Variants in CHRM3 observed in about 807,000 individuals in gnomAD.
CHRM3 encodes muscarinic acetylcholine receptor M3.
A neutral mutation model predicts 41.8 loss-of-function variants in CHRM3; 11 were observed. The observed-to-expected ratio is 0.26, with a 90% CI of 0.17 to 0.44. The LOEUF (loss-of-function observed/expected upper bound fraction) is 0.44, where lower values mean the gene tolerates loss of function less well. CHRM3 is among the 20% of genes least tolerant of loss of function. The probability of loss-of-function intolerance (pLI) is 1.00; values close to 1 mark genes in which losing one functional copy is unlikely to be tolerated. For missense variants in CHRM3, 571 were observed against 745.4 expected, an observed-to-expected ratio of 0.77 and a Z score of 2.72; for synonymous variants, 297 against 301.4, an observed-to-expected ratio of 0.99 and a Z score of 0.15.
intron 3 of CHRM3, among the ~76,000 whole-genome samples, chr1:239,610,794 C>T (rs973366917): frequency 3.9e-5 from 6 of 152,194 alleles, no homozygotes; most frequent in Non-Finnish European, 2.9e-5. Flanking sequence ...TGGCTCATGC[C>T]TGTAATCCCA....
intron 5 of CHRM3, among the ~76,000 whole-genome samples, chr1:239,731,226 G>A (rs753662652): frequency 6.6e-5 from 10 of 151,816 alleles, no homozygotes; most frequent in South Asian, 2.1e-4. Flanking sequence ...TAAGAAAAAC[G>A]CAGAGGCTAA....
chr1:239,595,282 C>A (rs1217390342), intron 3 of CHRM3, among the ~76,000 whole-genome samples: 1 of 152,052 alleles, frequency 6.6e-6, no homozygotes, highest in Non-Finnish European at 1.5e-5. Flanking sequence ...AATATTATAC[C>A]ATTTTATATC....
At chr1:239,460,734 T>C in intron 1 of CHRM3, among the ~76,000 whole-genome samples, 1 of 152,200 alleles carries the variant, frequency 6.6e-6, no homozygotes, top group East Asian at 1.9e-4. Flanking sequence ...GAGTTAACAC[T>C]ATCAATTTTC....
chr1:239,572,535 A>G (rs956010959), intron 3 of CHRM3, among the ~76,000 whole-genome samples: 5 of 152,180 alleles, frequency 3.3e-5, no homozygotes, highest in Admixed American at 6.5e-5. Context: ...GTCCATCACA[A>G]CTAATAATCA....
intron 2 of CHRM3, among the ~76,000 whole-genome samples, chr1:239,507,477 G>GT (rs1668651122): frequency 6.6e-6 from 1 of 152,184 alleles, no homozygotes; most frequent in Non-Finnish European, 1.5e-5. Context: ...ACGTGGAACT[G>GT]TAAGTCCAAT....
intron 1 of CHRM3, among the ~76,000 whole-genome samples, chr1:239,431,321 CTTAA>C (rs1402430215): frequency 6.6e-6 from 1 of 152,046 alleles, no homozygotes; most frequent in Non-Finnish European, 1.5e-5. Context: ...TTCAAGTCTG[CTTAA>C]TTGTTTTTCA....
intron 6 of CHRM3, among the ~76,000 whole-genome samples, chr1:239,898,865 A>G (rs1315207481): frequency 1.3e-5 from 2 of 152,176 alleles, no homozygotes; most frequent in East Asian, 3.8e-4. Context: ...ATTTACCTAT[A>G]TATTTCACAG....
intron 3 of CHRM3, among the ~76,000 whole-genome samples, chr1:239,610,062 G>A (rs530273835): frequency 2.8e-4 from 43 of 151,466 alleles, no homozygotes; most frequent in African/African-American, 8.7e-4. Flanking sequence ...GTGTGGTGGC[G>A]GGTGCCTGTA....
Position 239,912,499 on chromosome 1 carries a change from C to G in CHRM3, c.*3275C>G, listed in dbSNP as rs188958373. On this transcript the variant is annotated 3_prime_UTR_variant, in exon 7 of 7. Transcript: ENST00000676153. ...GTGGCTAAAGATCTAGAAGGCATATCAGTTTTCTCTGTCAGGCTTCCTACG... is the reference window on the plus strand; with the variant it reads ...GTGGCTAAAGATCTAGAAGGCATATGAGTTTTCTCTGTCAGGCTTCCTACG... The G allele has an allele frequency of 4.1e-4, 68 of 167,280 alleles. No individual in the cohort carries two copies. Among genetic ancestry groups the G allele is most frequent in the African/African-American group, 1.6e-3 (65 of 41,588 alleles). The allele number at this position is 167,280 out of a possible 1,614,324, so 10.4% of individuals were successfully genotyped here.
intron 6 of CHRM3, among the ~76,000 whole-genome samples, chr1:239,890,053 G>A (rs542506294): frequency 3.9e-5 from 6 of 152,260 alleles, no homozygotes; most frequent in African/African-American, 9.6e-5. Context: ...GGTGGCTCAC[G>A]CCTGTAATCC....
At chr1:239,502,860 C>T (rs1167751672) in intron 2 of CHRM3, among the ~76,000 whole-genome samples, 1 of 152,154 alleles carries the variant, frequency 6.6e-6, no homozygotes, top group Non-Finnish European at 1.5e-5. Flanking sequence ...AATCCAGCTT[C>T]CCTTTATGAT....
intron 4 of CHRM3, among the ~76,000 whole-genome samples, chr1:239,636,913 C>A (rs1028336534): frequency 3.6e-4 from 55 of 152,254 alleles, no homozygotes; most frequent in African/African-American, 1.3e-3. Context: ...TATGCTTTTC[C>A]ACTTTATTAT....
At chr1:239,672,170 G>A (rs890565507) in intron 4 of CHRM3, among the ~76,000 whole-genome samples, 1 of 152,192 alleles carries the variant, frequency 6.6e-6, no homozygotes, top group African/African-American at 2.4e-5. Context: ...TTACTTTCCA[G>A]TGTGACGTAG....
intron 5 of CHRM3, among the ~76,000 whole-genome samples, chr1:239,744,577 C>T (rs1665181074): frequency 1.3e-5 from 2 of 152,118 alleles, no homozygotes; most frequent in Admixed American, 1.3e-4. Flanking sequence ...AAAAAGCACT[C>T]AGGTCAGCCG....
At chr1:239,727,360 G>A (rs1663538102) in intron 5 of CHRM3, among the ~76,000 whole-genome samples, 1 of 151,756 alleles carries the variant, frequency 6.6e-6, no homozygotes, top group Admixed American at 6.6e-5. Flanking sequence ...TAATTTCTTG[G>A]CCAATTGGAC....
At chr1:239,500,954 C>T (rs534201800) in intron 2 of CHRM3, among the ~76,000 whole-genome samples, 12 of 152,236 alleles carry the variant, frequency 7.9e-5, no homozygotes, top group South Asian at 6.2e-4. Context: ...CAAATGGACA[C>T]GAAAAGCGGG....
chr1:239,848,152 T>C (rs1674422723), intron 6 of CHRM3, among the ~76,000 whole-genome samples: 1 of 152,144 alleles, frequency 6.6e-6, no homozygotes, highest in Admixed American at 6.6e-5. Flanking sequence ...GGAGACATTG[T>C]CCAAATTCAG....
intron 6 of CHRM3, among the ~76,000 whole-genome samples, chr1:239,880,579 G>T (rs1001919637): frequency 6.6e-6 from 1 of 152,146 alleles, no homozygotes; most frequent in Non-Finnish European, 1.5e-5. Flanking sequence ...CACTGAGGCC[G>T]CTAACTCCTG....
In CHRM3 at chr1:239,411,214, T is replaced by C. The variant is rs1388733869; in HGVS notation, c.-521+23987T>C. Among the ~76,000 whole-genome samples, 4 of 152,212 alleles carry C rather than the reference T, an allele frequency of 2.6e-5. No individual in the cohort carries two copies. The South Asian group carries it at 6.2e-4, about 24-fold the overall frequency. On this transcript the variant is annotated intron_variant, in intron 1 of 6. Coordinates refer to ENST00000676153, the MANE Select transcript of CHRM3 (RefSeq NM_001375978.1). ...AAACAGTGGCAGGTGACTTCACTTT[T>C]AGAGATTCAAAAATGACTTGTGGGG...
Sources: gnomAD v4.1 joint callset for allele counts (sites outside exome capture counted in the v4.1 genomes callset) on GRCh38, gnomAD v4.1.1 for gene constraint, MANE v1.5 for transcripts, NCBI Gene and HGNC (gene_info 2026-07-23, HGNC 2026-07-21) for gene names.